Variants in GRM6 observed in about 807,000 individuals in gnomAD.
The protein encoded by GRM6 is metabotropic glutamate receptor 6.
A neutral mutation model predicts 78.4 loss-of-function variants in GRM6; 73 were observed. The observed-to-expected ratio is 0.93, with a 90% confidence interval of 0.77 to 1.13. The LOEUF (loss-of-function observed/expected upper bound fraction) is 1.13. Ranked by LOEUF, GRM6 falls within the 50% of genes most tolerant of loss-of-function variation. The pLI is 0.00. For synonymous variants in GRM6, 580 were observed against 555.0 expected, an observed-to-expected ratio of 1.05 and a Z score of -0.63; for missense variants, 1,251 against 1,256.4, an observed-to-expected ratio of 1.00 and a Z score of 0.07.
intron 10 of GRM6, chr5:178,982,705 GAAAA>G (rs1030286822): frequency 2.8e-6 from 1 of 360,516 alleles, no homozygotes; most frequent in Non-Finnish European, 4.9e-6. Context: ...AAAAAAAAAA[GAAAA>G]AAAGAAGAGT....
intron 9 of GRM6, chr5:178,983,576 G>GAT (rs1561715650): frequency 2.3e-6 from 1 of 442,314 alleles, no homozygotes; most frequent in Non-Finnish European, 4.5e-6. Flanking sequence ...CTTCAAGGTA[G>GAT]ATGGATGTGG....
rs1284763626 is a variant in GRM6, at chr5:178,978,497, G to C, written c.*3160C>G. ...AATGTGTCAGAAGATTCACACAAGT[G>C]AGACAGCCTAAGAAAATGGTTACTA... is the stretch of plus-strand genomic sequence containing the variant. On this transcript the variant is annotated 3_prime_UTR_variant, in exon 11 of 11. Coordinates refer to ENST00000517717, the MANE Select transcript of GRM6 (RefSeq NM_000843.4). 1 of 152,248 alleles carries C rather than the reference G, an allele frequency of 6.6e-6. No homozygotes were observed. The highest frequency in any genetic ancestry group is 2.4e-5 in the African/African-American group (1 of 41,468). The allele number at this position is 152,248 out of a possible 1,614,324, so 9.4% of individuals were successfully genotyped here.
chr5:178,994,997 GC>G, intron 1 of GRM6, 37 bp from the exon 2 acceptor site: 1 of 1,090,232 alleles, frequency 9.2e-7, no homozygotes, highest in Non-Finnish European at 1.1e-6. Flanking sequence ...CGCTCTGAGG[GC>G]GGGGGAAGGA....
At chr5:178,989,226 C>CCCACCCTCCCCACCCTCA (rs1279367151) in intron 6 of GRM6, 39 bp downstream of exon 6, 1 of 1,156,906 alleles carries the variant, frequency 8.6e-7, no homozygotes, top group Non-Finnish European at 1.3e-6. Flanking sequence ...CACCACCCTC[C>CCCACCCTCCCCACCCTCA]CCACCCTCCC....
Position 178,994,472 on chromosome 5 carries a change from A to G in GRM6, c.473T>C (p.Ile158Thr). Residue 158 changes from isoleucine (I) to threonine (T), a missense_variant, in exon 2 of 11, where the codon ATC (isoleucine) becomes ACC (threonine). Transcript: ENST00000517717. ...VVGASASSVSIMVANVLRLFA... is the reference protein window; with the variant it reads ...VVGASASSVSTMVANVLRLFA... ...CAGGCGCAGCACGTTGGCGACCATG[A>G]TGGAGACGGAGCTGGCCGAGGCGCC... is the stretch of plus-strand genomic sequence containing the variant. 1 of 1,484,434 alleles carries G rather than the reference A, an allele frequency of 6.7e-7. No individual in the cohort carries two copies. The highest frequency in any genetic ancestry group is 8.9e-7 in the Non-Finnish European group (1 of 1,123,262). 92.0% of individuals were successfully genotyped at this position (1,484,434 alleles called of 1,614,324 possible). A position where few individuals can be genotyped will look rare whatever the true frequency, so the allele number is the denominator to read the frequency against.
chr5:178,983,013 G>T lies in GRM6; in HGVS notation c.2333C>A (p.Thr778Asn), dbSNP rs1379700638. Residue 778 changes from threonine to asparagine, a missense_variant, in exon 10 of 11, where the codon ACC (threonine) becomes AAC (asparagine). Transcript: ENST00000517717. ...YAIKARGVPE[T>N]FNEAKPIGFT... ...GCCGATGGGCTTGGCCTCGTTGAAG[G>T]TCTCGGGCACGCCACGGGCCTTGAT... is the stretch of plus-strand genomic sequence containing the variant. 4 of 1,614,136 alleles carry T rather than the reference G, an allele frequency of 2.5e-6. No individual in the cohort carries two copies. The South Asian group carries it at 3.3e-5, about 13-fold the overall frequency.
At position 178,991,310 on chromosome 5, in the gene GRM6, C is replaced by T. The variant is rs535232676; in HGVS notation, c.857+114G>A. The T allele has an allele frequency of 5.1e-5, 53 of 1,039,054 alleles. 1 individual carries two copies. The highest frequency in any genetic ancestry group is 2.7e-4 in the South Asian group (21 of 79,104). 64.4% of individuals were successfully genotyped at this position (1,039,054 alleles called of 1,614,324 possible). A position where few individuals can be genotyped will look rare whatever the true frequency, so the allele number is the denominator to read the frequency against. ...GCAGCAGCAGGGAAGGTGGGGGGTG[C>T]GGGGAGCAGGGGAAAGGGAGGCAGG... On this transcript the variant is annotated intron_variant, in intron 4 of 10. Transcript: ENST00000517717. The surrounding 1 kb of genome is among the most constrained non-coding windows in gnomAD (Gnocchi z 5.0).
Position 178,981,724 on chromosome 5 carries a change from C to A in GRM6, c.2567G>T (p.Arg856Leu). 1 of 1,614,062 alleles carries A rather than the reference C, an allele frequency of 6.2e-7. No individual in the cohort carries two copies. Among genetic ancestry groups the A allele is most frequent in the Non-Finnish European group, 8.5e-7 (1 of 1,179,922 alleles). ...HPEQNVQKRK[R>L]SLKATSTVAA... ...CACCGTGGAGGTGGCCTTGAGGCTCCGCTTTCGCTTCTGCACATTCTGCTC... is the reference window on the plus strand; with the variant it reads ...CACCGTGGAGGTGGCCTTGAGGCTCAGCTTTCGCTTCTGCACATTCTGCTC... Residue 856 changes from arginine to leucine, a missense_variant, in exon 11 of 11, where the codon CGG becomes CTG. Physicochemically the swap from Arg to Leu is moderately radical, Grantham distance 102. Transcript: ENST00000517717. The surrounding 1 kb of genome is among the most constrained non-coding windows in gnomAD (Gnocchi z 5.1).
rs749996842 is a variant in GRM6, at chr5:178,985,310, C to G, written c.2124+820G>C. 2.9e-4 allele frequency: 133 copies of G among 454,954 alleles called. 1 individual carries two copies. The highest frequency in any genetic ancestry group is 2.5e-3 in the African/African-American group (124 of 50,052). The allele number at this position is 454,954 out of a possible 1,614,324, so 28.2% of individuals were successfully genotyped here. A position where few individuals can be genotyped will look rare whatever the true frequency, so the allele number is the denominator to read the frequency against. On this transcript the variant is annotated intron_variant, in intron 9 of 10. Transcript: ENST00000517717. ...CTGGAGGCCCACACTCCCCACCTGA[C>G]TGCCCCGTTTTCCTTCAAGGACCCA...
chr5:178,984,531 C>T (rs562548166), intron 9 of GRM6, among the ~76,000 whole-genome samples: 1 of 152,230 alleles, frequency 6.6e-6, no homozygotes, highest in African/African-American at 2.4e-5. Flanking sequence ...AAAGAGGGTA[C>T]AGTGTGGGGC....
At chr5:178,990,567 G>A (rs1258779090) in intron 5 of GRM6, 25 bp downstream of exon 5, 1 of 1,596,702 alleles carries the variant, frequency 6.3e-7, no homozygotes, top group Non-Finnish European at 8.6e-7. Context: ...GTGTGGGGTG[G>A]GGGATGGAGT....
rs112528415 is a variant in GRM6, at chr5:178,985,681, C to A, written c.2124+449G>T. On this transcript the variant is annotated intron_variant, in intron 9 of 10. Coordinates refer to ENST00000517717, the MANE Select transcript of GRM6 (RefSeq NM_000843.4). The stretch of plus-strand genomic sequence containing the variant: ...TAGTGCCACTGCACTCCAGCCTGGG[C>A]GACACAGCGAGACTCTGTCTAAAAA... The A allele has an allele frequency of 9.1e-4, 353 of 389,740 alleles. 3 individuals are homozygous for A. Among genetic ancestry groups the A allele is most frequent in the South Asian group, 1.6e-3 (85 of 54,170 alleles). The allele number at this position is 389,740 out of a possible 1,614,324, so 24.1% of individuals were successfully genotyped here. A position where few individuals can be genotyped will look rare whatever the true frequency, so the allele number is the denominator to read the frequency against.
Position 178,986,754 on chromosome 5 carries a change from C to A in GRM6, c.1501-1G>T, listed in dbSNP as rs1490677243. 1 of 1,608,502 alleles carries A rather than the reference C, an allele frequency of 6.2e-7. No homozygotes were observed. The highest frequency in any genetic ancestry group is 1.1e-5 in the South Asian group (1 of 91,040). On this transcript the variant is annotated splice_acceptor_variant, in intron 8 of 10. Coordinates refer to ENST00000517717, the MANE Select transcript of GRM6 (RefSeq NM_000843.4). LOFTEE classifies it high-confidence loss of function. ...CGCCAGACCACTGCAGGGCCTCCAC[C>A]TGGGACGCACAAAACACAGGCTGGG...
chr5:178,986,920 A>G lies in GRM6; in HGVS notation c.1418T>C (p.Phe473Ser). 1.2e-6 allele frequency: 2 copies of G among 1,614,126 alleles called. No individual in the cohort carries two copies. The highest frequency in any genetic ancestry group is 1.7e-6 in the Non-Finnish European group (2 of 1,180,002). ...ACTGCCATTGGTCGCCTGGTACTGG[A>G]AGATGTCGTACCGCCCGGGCGCATC... ...NGDAPGRYDI[F>S]QYQATNGSAS... The change falls in exon 8 of 11, where the codon TTC (phenylalanine) becomes TCC (serine). Residue 473 changes from phenylalanine to serine, a missense_variant. By Grantham distance (155) the Phe-to-Ser change is radical. Coordinates refer to ENST00000517717, the MANE Select transcript of GRM6 (RefSeq NM_000843.4).
At position 178,986,907 on chromosome 5, in the gene GRM6, C is replaced by T. The variant is rs773387278; in HGVS notation, c.1431G>A (p.Ala477=). The change falls in exon 8 of 11, where the codon GCG becomes GCA. Residue 477 remains alanine (A), a synonymous_variant. Transcript: ENST00000517717. ...PGRYDIFQYQ[A]TNGSASSGGY... ...CGCCACTGCTGGCACTGCCATTGGTCGCCTGGTACTGGAAGATGTCGTACC... is the reference window on the plus strand; with the variant it reads ...CGCCACTGCTGGCACTGCCATTGGTTGCCTGGTACTGGAAGATGTCGTACC... 53 of 1,614,066 alleles carry T rather than the reference C, an allele frequency of 3.3e-5. No individual in the cohort carries two copies. Among genetic ancestry groups the T allele is most frequent in the African/African-American group, 8.0e-5 (6 of 74,948 alleles).
intron 9 of GRM6, chr5:178,983,551 C>A (rs986812502): frequency 5.9e-6 from 3 of 506,578 alleles, no homozygotes; most frequent in African/African-American, 3.8e-5. Context: ...ATTACCAATG[C>A]CATTTACTGC....
At chr5:178,982,710 AAAG>A (rs1760422878) in intron 10 of GRM6, 197 bp downstream of exon 10, 3 of 547,410 alleles carry the variant, frequency 5.5e-6, no homozygotes, top group Admixed American at 3.2e-5. Context: ...AAAAAGAAAA[AAAG>A]AAGAGTGGAA....
Position 178,991,631 on chromosome 5 carries a change from G to C in GRM6, c.722-72C>G. The C allele has an allele frequency of 1.0e-5, 16 of 1,525,002 alleles. No individual in the cohort carries two copies. Among genetic ancestry groups the C allele is most frequent in the Non-Finnish European group, 1.5e-5 (16 of 1,101,560 alleles). The allele number at this position is 1,525,002 out of a possible 1,614,324, so 94.5% of individuals were successfully genotyped here. A position where few individuals can be genotyped will look rare whatever the true frequency, so the allele number is the denominator to read the frequency against. On this transcript the variant is annotated intron_variant, in intron 3 of 10. Coordinates refer to ENST00000517717, the MANE Select transcript of GRM6 (RefSeq NM_000843.4). This position sits in a 1 kb window ranked among gnomAD's most constrained non-coding sequence, Gnocchi z 5.0. ...ACACCCACCTGGCCACCGCTGCAGA[G>C]GACTGTGTAGGCTGGCTGAAGGGTC... is the stretch of plus-strand genomic sequence containing the variant.
rs753889215 is a variant in GRM6 at position 178,990,726 on chromosome 5, C to A, written c.878G>T (p.Arg293Leu). 3.8e-6 allele frequency: 6 copies of A among 1,575,214 alleles called. No individual in the cohort carries two copies. The highest frequency in any genetic ancestry group is 2.3e-5 in the East Asian group (1 of 42,664). The change falls in exon 5 of 11, where the codon CGC becomes CTC. Residue 293 changes from arginine (R) to leucine (L), a missense_variant. By Grantham distance (102) the Arg-to-Leu change is moderately radical (BLOSUM62 -2). Coordinates refer to ENST00000517717, the MANE Select transcript of GRM6 (RefSeq NM_000843.4). ...DDIRRVLEAA[R>L]QANLTGHFLW... is the part of the protein sequence containing the mutation. ...GAAGTGGCCGGTCAGGTTGGCCTGGCGAGCTGCCTCCAGGACCCGCCTGGT... is the reference window on the plus strand; with the variant it reads ...GAAGTGGCCGGTCAGGTTGGCCTGGAGAGCTGCCTCCAGGACCCGCCTGGT...
Sources: allele counts gnomAD v4.1 joint callset (sites outside exome capture counted in the v4.1 genomes callset), GRCh38; gene constraint gnomAD v4.1.1; non-coding constraint Gnocchi (gnomAD v3.1); transcripts MANE v1.5; gene names NCBI Gene and HGNC (gene_info 2026-07-23, HGNC 2026-07-21).